The following SIK3 variants were observed in gnomAD, a reference collection of about 807,000 sequenced individuals.
SIK3 encodes serine/threonine-protein kinase SIK3.
A neutral mutation model predicts 144.2 loss-of-function variants in SIK3; 28 were observed. The observed-to-expected ratio is 0.19, with a 90% CI of 0.14 to 0.27. SIK3 has a LOEUF of 0.27. Ranked by LOEUF, SIK3 falls within the 10% of genes least tolerant of loss-of-function variation. The probability of loss-of-function intolerance (pLI) is 1.00; values close to 1 mark genes in which losing one functional copy is unlikely to be tolerated. For missense variants in SIK3, 1,319 were observed against 1,776.0 expected, an observed-to-expected ratio of 0.74 and a Z score of 4.62; for synonymous variants, 686 against 676.3, an observed-to-expected ratio of 1.01 and a Z score of -0.22.
rs185435768 is a variant in SIK3, at chr11:117,078,606, T to A, written c.273+19537A>T. Among the ~76,000 whole-genome samples the A allele has an allele frequency of 3.5e-4, 54 of 152,208 alleles. No individual in the cohort carries two copies. In the East Asian group the frequency reaches 8.3e-3, roughly 23 times the overall value. ...TTAGTAGAGATGGGGTTTCACCATG[T>A]TGGCCAGACTGGTCTCAAACTCCTG... On this transcript the variant is annotated intron_variant, in intron 1 of 24. Coordinates refer to ENST00000445177, the MANE Select transcript of SIK3 (RefSeq NM_001366686.3).
At chr11:116,984,787 C>T (rs1950270446) in intron 1 of SIK3, among the ~76,000 whole-genome samples, 1 of 152,072 alleles carries the variant, frequency 6.6e-6, no homozygotes, top group Non-Finnish European at 1.5e-5. Flanking sequence ...GGCCATTACG[C>T]AATTTGTGGT....
chr11:116,891,866 G>T (rs1236797050), intron 6 of SIK3, among the ~76,000 whole-genome samples: 2 of 152,130 alleles, frequency 1.3e-5, no homozygotes, highest in Non-Finnish European at 1.5e-5. Flanking sequence ...TCTTAGAAGT[G>T]CCTACATGAA....
intron 4 of SIK3, among the ~76,000 whole-genome samples, chr11:116,904,262 G>A (rs555602331): frequency 6.6e-6 from 1 of 152,304 alleles, no homozygotes; most frequent in East Asian, 1.9e-4. Flanking sequence ...TGGCAGTCAG[G>A]AGGGAGCACG....
chr11:117,010,278 T>C (rs923574207), intron 1 of SIK3, among the ~76,000 whole-genome samples: 1 of 152,180 alleles, frequency 6.6e-6, no homozygotes, highest in African/African-American at 2.4e-5. Context: ...CCTATAGCAC[T>C]TTCAGCATGA....
At chr11:116,904,246 T>G (rs1307429268) in intron 4 of SIK3, among the ~76,000 whole-genome samples, 1 of 152,138 alleles carries the variant, frequency 6.6e-6, no homozygotes, top group Non-Finnish European at 1.5e-5. Flanking sequence ...GAAAGGGTGC[T>G]CTGAATGGCA....
intron 5 of SIK3, 21 bp downstream of exon 5, chr11:116,897,172 T>C (rs1945455655): frequency 6.2e-7 from 1 of 1,612,610 alleles, no homozygotes; most frequent in African/African-American, 1.3e-5. Flanking sequence ...CTGTGGGGTA[T>C]AAGAGAAGGC....
chr11:116,937,665 G>A (rs1565473829), intron 3 of SIK3, among the ~76,000 whole-genome samples: 2 of 152,182 alleles, frequency 1.3e-5, no homozygotes, highest in South Asian at 2.1e-4. Context: ...CTATGTTAAC[G>A]TCATCTGGAA....
At chr11:117,034,872 T>C (rs1185491237) in intron 1 of SIK3, among the ~76,000 whole-genome samples, 3 of 152,200 alleles carry the variant, frequency 2.0e-5, no homozygotes, top group African/African-American at 7.2e-5. Context: ...TTGCTTTTGG[T>C]TAACAAGAAA....
chr11:117,035,930 T>A, intron 1 of SIK3: 2 of 1,594,254 alleles, frequency 1.3e-6, no homozygotes, highest in Non-Finnish European at 1.7e-6. Context: ...GATGATTTTA[T>A]AGCATCCTGG....
chr11:116,898,264 G>C (rs1945534154), intron 4 of SIK3, among the ~76,000 whole-genome samples: 1 of 152,054 alleles, frequency 6.6e-6, no homozygotes, highest in South Asian at 2.1e-4. Context: ...TGAGAATGAT[G>C]ATTTCCAATT....
chr11:117,019,539 G>T (rs1951678186), intron 1 of SIK3, among the ~76,000 whole-genome samples: 1 of 151,980 alleles, frequency 6.6e-6, no homozygotes, highest in African/African-American at 2.4e-5. Flanking sequence ...GTAATAAACA[G>T]TCACGGCTCA....
intron 3 of SIK3, among the ~76,000 whole-genome samples, chr11:116,949,339 T>C (rs1948822610): frequency 6.6e-6 from 1 of 152,220 alleles, no homozygotes; most frequent in Admixed American, 6.5e-5. Context: ...GTGTTTTTGC[T>C]AGGACTTTCT....
intron 1 of SIK3, among the ~76,000 whole-genome samples, chr11:117,055,718 T>C (rs1441636571): frequency 6.6e-6 from 1 of 152,240 alleles, no homozygotes; most frequent in Non-Finnish European, 1.5e-5. Flanking sequence ...AAGTCAGATG[T>C]TGCCAACGTG....
At chr11:116,959,569 G>T (rs990886062) in intron 1 of SIK3, among the ~76,000 whole-genome samples, 1 of 152,144 alleles carries the variant, frequency 6.6e-6, no homozygotes, top group Non-Finnish European at 1.5e-5. Context: ...TGACCTTCAG[G>T]TTAACTTATG....
intron 1 of SIK3, among the ~76,000 whole-genome samples, chr11:117,013,915 G>GGGGTGTGTGTGT (rs1206309055): frequency 4.2e-5 from 1 of 23,640 alleles, no homozygotes; most frequent in African/African-American, 8.7e-5. Flanking sequence ...GGGGGGGGAG[G>GGGGTGTGTGTGT]GTGTGTGTGT....
At chr11:117,069,295 TATAA>T (rs1235658379) in intron 1 of SIK3, among the ~76,000 whole-genome samples, 1 of 152,098 alleles carries the variant, frequency 6.6e-6, no homozygotes, top group Non-Finnish European at 1.5e-5. Flanking sequence ...CTTAGACAGT[TATAA>T]ATAAATACAT....
chr11:117,052,239 T>A (rs953594236), intron 1 of SIK3, among the ~76,000 whole-genome samples: 1 of 152,148 alleles, frequency 6.6e-6, no homozygotes, highest in Admixed American at 6.5e-5. Context: ...GAACTTTCCT[T>A]GTATATGATG....
intron 1 of SIK3, among the ~76,000 whole-genome samples, chr11:116,964,629 C>T (rs1242096814): frequency 1.3e-5 from 2 of 152,040 alleles, no homozygotes; most frequent in African/African-American, 2.4e-5. Flanking sequence ...GCCTCTAATC[C>T]CAGCACTTTG....
chr11:116,966,732 C>A (rs1042585010), intron 1 of SIK3, among the ~76,000 whole-genome samples: 1 of 151,706 alleles, frequency 6.6e-6, no homozygotes, highest in Non-Finnish European at 1.5e-5. Flanking sequence ...GGAAATTAAA[C>A]TATAAAAAAT....
Sources: gnomAD v4.1 joint callset for allele counts (sites outside exome capture counted in the v4.1 genomes callset) on GRCh38, gnomAD v4.1.1 for gene constraint, MANE v1.5 for transcripts, NCBI Gene and HGNC (gene_info 2026-07-23, HGNC 2026-07-21) for gene names.